NAALADL2: variants seen among roughly 807,000 people sequenced by gnomAD.
NAALADL2 encodes the protein inactive N-acetylated-alpha-linked acidic dipeptidase-like protein 2.
NAALADL2 carries 76 observed loss-of-function variants against 87.2 expected under a neutral mutation model. The observed-to-expected ratio is 0.87, with a 90% confidence interval of 0.72 to 1.05. NAALADL2 has a LOEUF of 1.05. NAALADL2 is among the 50% of genes least tolerant of loss of function. The pLI is 0.00. For missense variants in NAALADL2, 1,089 were observed against 945.8 expected (o/e 1.15, Z -1.99); for synonymous variants, 354 against 331.0 (o/e 1.07, Z -0.75).
Position 175,566,619 on chromosome 3 carries a change from C to T in NAALADL2, c.1654-9422C>T, listed in dbSNP as rs1470879803. 2.0e-5 allele frequency among the ~76,000 whole-genome samples: 3 copies of T among 151,682 alleles called. No individual in the cohort carries two copies. The East Asian group carries it at 5.8e-4, about 29-fold the overall frequency. On this transcript the variant is annotated intron_variant, in intron 9 of 13. Coordinates refer to ENST00000454872, the MANE Select transcript of NAALADL2 (RefSeq NM_207015.3). ...ATGAGGCGCCAGATTTCTCACAGTC[C>T]TTCAAGACACAGTCCATATTCAAAC...
At position 175,150,412 on chromosome 3, in the gene NAALADL2, A is replaced by AT. The variant is rs533667117; in HGVS notation, c.545+53128dup. Among the ~76,000 whole-genome samples, 81 of 151,682 alleles carry AT rather than the reference A, an allele frequency of 5.3e-4. 1 individual carries two copies. Among genetic ancestry groups the AT allele is most frequent in the African/African-American group, 1.6e-3 (68 of 41,340 alleles). On this transcript the variant is annotated intron_variant, in intron 2 of 13. Transcript: ENST00000454872. ...CAGCTGTTAAGAATTCCCCTTTTCC[A>AT]TTTTTTTCTGTCTCAGACAGATTAT...
intron 2 of NAALADL2, among the ~76,000 whole-genome samples, chr3:174,662,346 TATTAAA>T (rs1466358436): frequency 1.3e-5 from 2 of 152,168 alleles, no homozygotes; most frequent in African/African-American, 4.8e-5. Flanking sequence ...TTATTAAGGA[TATTAAA>T]ATTAGAGTTT....
intron 1 of NAALADL2, among the ~76,000 whole-genome samples, chr3:174,491,953 T>C (rs1275765183): frequency 6.6e-6 from 1 of 152,154 alleles, no homozygotes; most frequent in Admixed American, 6.6e-5. Context: ...AAAAAATAGA[T>C]ACAGTGATGT....
rs542659475 is a variant in NAALADL2 at position 175,171,716 on chromosome 3, A to C, written c.546-62215A>C. On this transcript the variant is annotated intron_variant, in intron 2 of 13. Coordinates refer to ENST00000454872, the MANE Select transcript of NAALADL2 (RefSeq NM_207015.3). ...AAATGTAGTACATGCACACAATGGA[A>C]TACTATTTGGCTATAAAAAATATGA... 1.5e-4 allele frequency among the ~76,000 whole-genome samples: 23 copies of C among 152,212 alleles called. No homozygotes were observed. In the South Asian group the frequency reaches 3.7e-3, roughly 25 times the overall value.
At chr3:175,601,712 G>C (rs1242526486) in intron 10 of NAALADL2, among the ~76,000 whole-genome samples, 1 of 152,150 alleles carries the variant, frequency 6.6e-6, no homozygotes, top group African/African-American at 2.4e-5. Flanking sequence ...GCTGACCCAT[G>C]AGTAAACAGA....
intron 1 of NAALADL2, among the ~76,000 whole-genome samples, chr3:175,066,295 C>T (rs777904961): frequency 3.3e-5 from 5 of 152,128 alleles, no homozygotes; most frequent in Non-Finnish European, 1.5e-5. Context: ...TCTGAGGAGC[C>T]TTTCCTAACC....
intron 1 of NAALADL2, among the ~76,000 whole-genome samples, chr3:175,003,530 T>C (rs1202972345): frequency 6.6e-6 from 1 of 152,166 alleles, no homozygotes; most frequent in Non-Finnish European, 1.5e-5. Flanking sequence ...GTATAATACA[T>C]GCCACGTACA....
intron 1 of NAALADL2, among the ~76,000 whole-genome samples, chr3:174,530,872 C>T (rs1433928078): frequency 6.6e-6 from 1 of 152,166 alleles, no homozygotes; most frequent in Non-Finnish European, 1.5e-5. Flanking sequence ...AACCTACACA[C>T]ACAGAAAGTA....
intron 1 of NAALADL2, among the ~76,000 whole-genome samples, chr3:174,483,758 AAGCAAAAGGCTCTG>A (rs1160029740): frequency 6.6e-6 from 1 of 152,040 alleles, no homozygotes; most frequent in Non-Finnish European, 1.5e-5. Flanking sequence ...AAAGTGAATG[AAGCAAAAGGCTCTG>A]AGCAAAAAAT....
Position 175,457,558 on chromosome 3 carries a change from C to T in NAALADL2, c.1235-5843C>T, listed in dbSNP as rs113673181. 6.2e-3 allele frequency among the ~76,000 whole-genome samples: 942 copies of T among 152,182 alleles called. 8 individuals are homozygous for T. The highest frequency in any genetic ancestry group is 0.022 in the African/African-American group (900 of 41,536). ...TTATTTTGTGTTTAAGACAGTTTCA[C>T]TCTGTCACTGCAGTGCAGTGGCACC... On this transcript the variant is annotated intron_variant, in intron 6 of 13. Coordinates refer to ENST00000454872, the MANE Select transcript of NAALADL2 (RefSeq NM_207015.3).
chr3:175,603,817 C>A lies in NAALADL2; in HGVS notation c.1801-23474C>A, dbSNP rs147416557. On this transcript the variant is annotated intron_variant, in intron 10 of 13. Transcript: ENST00000454872. ...TTAAAGCCTGGGTAACATGGCAAGA[C>A]CCCATCTATAAAAAAAAACCACAAA... Among the ~76,000 whole-genome samples the A allele has an allele frequency of 4.4e-3, 672 of 151,752 alleles. 2 individuals carry two copies. Among genetic ancestry groups the A allele is most frequent in the Middle Eastern group, 0.014 (4 of 294 alleles).
intron 2 of NAALADL2, among the ~76,000 whole-genome samples, chr3:175,200,297 T>A (rs903037349): frequency 6.6e-6 from 1 of 152,142 alleles, no homozygotes; most frequent in African/African-American, 2.4e-5. Context: ...AGAACCATGA[T>A]GATGGACATT....
At chr3:175,616,109 T>C (rs1199466239) in intron 10 of NAALADL2, among the ~76,000 whole-genome samples, 2 of 147,314 alleles carry the variant, frequency 1.4e-5, no homozygotes, top group African/African-American at 4.9e-5. Flanking sequence ...GGAATATTTA[T>C]CGTATATATC....
chr3:174,710,378 C>T (rs925049288), intron 2 of NAALADL2, among the ~76,000 whole-genome samples: 12 of 151,728 alleles, frequency 7.9e-5, no homozygotes, highest in African/African-American at 2.9e-4. Flanking sequence ...TCTCAGCCTT[C>T]GGAGTAGCTG....
At chr3:174,675,514 C>A (rs1394360230) in intron 2 of NAALADL2, among the ~76,000 whole-genome samples, 9 of 152,012 alleles carry the variant, frequency 5.9e-5, no homozygotes, top group Admixed American at 5.9e-4. Flanking sequence ...GTGCTCACAG[C>A]AAATACTTGA....
At chr3:174,556,532 A>G (rs1712844992) in intron 2 of NAALADL2, among the ~76,000 whole-genome samples, 1 of 150,994 alleles carries the variant, frequency 6.6e-6, no homozygotes, top group Non-Finnish European at 1.5e-5. Context: ...CTCTTGGTTT[A>G]AAAAAAAATA....
chr3:175,186,734 G>T (rs1347552754), intron 2 of NAALADL2, among the ~76,000 whole-genome samples: 4 of 151,988 alleles, frequency 2.6e-5, no homozygotes, highest in Non-Finnish European at 5.9e-5. Flanking sequence ...TTGTCACATT[G>T]TGAAATTCTT....
intron 1 of NAALADL2, among the ~76,000 whole-genome samples, chr3:174,987,568 CAAAAAAAAAAAAAAAA>C (rs1159602995): frequency 2.9e-4 from 6 of 20,840 alleles, no homozygotes; most frequent in Non-Finnish European, 8.3e-4. Flanking sequence ...GACTCCGTCT[CAAAAAAAAAAAAAAAA>C]AAAAAAAAAA....
chr3:174,762,068 G>A (rs566298016), intron 3 of NAALADL2, among the ~76,000 whole-genome samples: 4 of 151,898 alleles, frequency 2.6e-5, no homozygotes, highest in South Asian at 2.1e-4. Context: ...CATATATCAT[G>A]TATTTTTTAA....
Sources: allele counts gnomAD v4.1 joint callset (sites outside exome capture counted in the v4.1 genomes callset), GRCh38; gene constraint gnomAD v4.1.1; transcripts MANE v1.5; gene names NCBI Gene and HGNC (gene_info 2026-07-23, HGNC 2026-07-21).